Variants in ESYT2 observed in about 807,000 individuals in gnomAD.
The protein encoded by ESYT2 is extended synaptotagmin 2, also known as extended synaptotagmin-2.
Under a neutral mutation model 107.2 loss-of-function variants are expected in ESYT2, and 54 were observed. The observed-to-expected ratio is 0.50, with a 90% CI of 0.40 to 0.63. The LOEUF (loss-of-function observed/expected upper bound fraction) is 0.63. Ranked by LOEUF, ESYT2 falls within the 30% of genes least tolerant of loss-of-function variation. ESYT2 has a pLI of 0.00. For missense variants in ESYT2, 1,020 were observed against 1,094.5 expected (o/e 0.93, Z 0.96); for synonymous variants, 491 against 434.1 (o/e 1.13, Z -1.63).
At chr7:158,762,055 C>T (rs1837986406) in intron 10 of ESYT2, among the ~76,000 whole-genome samples, 1 of 152,122 alleles carries the variant, frequency 6.6e-6, no homozygotes, top group Non-Finnish European at 1.5e-5. Context: ...ACCCATGCTG[C>T]ATTGAGCCCG....
intron 1 of ESYT2, among the ~76,000 whole-genome samples, chr7:158,802,592 T>C (rs1196654091): frequency 6.6e-6 from 1 of 152,236 alleles, no homozygotes; most frequent in African/African-American, 2.4e-5. Flanking sequence ...ATATAAGCAC[T>C]TTTAATTACA....
chr7:158,731,770 C>A lies in ESYT2; in HGVS notation c.*2437G>T. Reference sequence around the variant, plus strand: ...GGCTCAAGGTAGAAAAGTTAAAATTCCCTTTTCTTAGATAAACTGATTATT... The same window carrying A: ...GGCTCAAGGTAGAAAAGTTAAAATTACCTTTTCTTAGATAAACTGATTATT... On this transcript the variant is annotated 3_prime_UTR_variant, in exon 23 of 23. Coordinates refer to ENST00000275418, the MANE Select transcript of ESYT2 (RefSeq NM_001367773.1). 1 of 152,618 alleles carries A rather than the reference C, an allele frequency of 6.6e-6. No homozygotes were observed. Among genetic ancestry groups the A allele is most frequent in the East Asian group, 1.9e-4 (1 of 5,198 alleles). The allele number at this position is 152,618 out of a possible 1,614,324, so 9.5% of individuals were successfully genotyped here.
At chr7:158,804,631 C>T (rs1337264820) in intron 1 of ESYT2, among the ~76,000 whole-genome samples, 2 of 147,724 alleles carry the variant, frequency 1.4e-5, no homozygotes, top group African/African-American at 2.5e-5. Context: ...AGGTGAGGCG[C>T]GTGACAAACC....
chr7:158,782,218 A>C (rs1375260931), intron 6 of ESYT2, among the ~76,000 whole-genome samples: 1 of 119,952 alleles, frequency 8.3e-6, no homozygotes, highest in East Asian at 2.1e-4. Context: ...AACGTGTGAG[A>C]ACAGATGTGA....
At chr7:158,777,282 G>C (rs528971556) in intron 6 of ESYT2, among the ~76,000 whole-genome samples, 1 of 152,180 alleles carries the variant, frequency 6.6e-6, no homozygotes, top group Non-Finnish European at 1.5e-5. Context: ...AGATCCAGGA[G>C]AGGGAGACAT....
intron 1 of ESYT2, among the ~76,000 whole-genome samples, chr7:158,819,702 A>G (rs1840238842): frequency 6.6e-6 from 1 of 152,244 alleles, no homozygotes; most frequent in Non-Finnish European, 1.5e-5. Context: ...TTCAATGAGC[A>G]TACTTTCTTC....
At chr7:158,758,417 C>A (rs1019408986) in intron 13 of ESYT2, among the ~76,000 whole-genome samples, 4 of 152,062 alleles carry the variant, frequency 2.6e-5, no homozygotes, top group Admixed American at 1.3e-4. Flanking sequence ...TACAGGGGAT[C>A]GAGAGGCCGA....
Position 158,829,192 on chromosome 7 carries a change from C to T in ESYT2, c.227G>A (p.Ser76Asn), listed in dbSNP as rs202087832. The change falls in exon 1 of 23, where the codon AGC (serine) becomes AAC (asparagine). Residue 76 changes from serine (S) to asparagine (N), a missense_variant. Physicochemically the swap from Ser to Asn is conservative, Grantham distance 46. Coordinates refer to ENST00000275418, the MANE Select transcript of ESYT2 (RefSeq NM_001367773.1). Reference protein sequence around the residue: ...ALALLAWCRRSRGLKALRLCR... With the variant: ...ALALLAWCRRNRGLKALRLCR... Reference sequence around the variant, plus strand: ...CAGGCGCAGGGCCTTGAGGCCGCGGCTGCGGCGACACCAGGCGAGCAGCGC... The same window carrying T: ...CAGGCGCAGGGCCTTGAGGCCGCGGTTGCGGCGACACCAGGCGAGCAGCGC... 2.0e-5 allele frequency: 31 copies of T among 1,534,418 alleles called. No homozygotes were observed. The highest frequency in any genetic ancestry group is 2.1e-5 in the Non-Finnish European group (24 of 1,148,616).
At chr7:158,796,523 A>G (rs1248644671) in intron 3 of ESYT2, among the ~76,000 whole-genome samples, 1 of 152,254 alleles carries the variant, frequency 6.6e-6, no homozygotes, top group Non-Finnish European at 1.5e-5. Flanking sequence ...ATGAATTCAC[A>G]TATCAAACTC....
At chr7:158,770,091 A>G (rs1166049823) in intron 7 of ESYT2, among the ~76,000 whole-genome samples, 1 of 151,830 alleles carries the variant, frequency 6.6e-6, no homozygotes, top group Non-Finnish European at 1.5e-5. Flanking sequence ...GGATTTCACT[A>G]TGTTGGCTAG....
intron 3 of ESYT2, among the ~76,000 whole-genome samples, chr7:158,797,292 C>T (rs1046965110): frequency 2.6e-4 from 40 of 151,608 alleles, no homozygotes; most frequent in African/African-American, 9.7e-4. Flanking sequence ...TGACCATATA[C>T]GTGCACCACC....
chr7:158,759,758 C>T (rs1198954511), intron 12 of ESYT2, among the ~76,000 whole-genome samples, 177 bp from the exon 13 acceptor site: 2 of 152,144 alleles, frequency 1.3e-5, no homozygotes, highest in Non-Finnish European at 2.9e-5. Flanking sequence ...GACTACTATT[C>T]CATATATAAG....
At chr7:158,767,604 CAGGTCTCCAAG>C (rs2129472334) in intron 8 of ESYT2, 39 bp downstream of exon 8, 1 of 1,583,308 alleles carries the variant, frequency 6.3e-7, no homozygotes, top group South Asian at 1.1e-5. Flanking sequence ...CGCAGGCAGG[CAGGTCTCCAAG>C]ATGTTTTTAA....
chr7:158,736,392 G>A (rs539759231), intron 20 of ESYT2, among the ~76,000 whole-genome samples: 1 of 152,306 alleles, frequency 6.6e-6, no homozygotes, highest in African/African-American at 2.4e-5. Flanking sequence ...AACAAGGGTG[G>A]GTTTTGAAGC....
intron 6 of ESYT2, among the ~76,000 whole-genome samples, chr7:158,787,695 G>A (rs182860663): frequency 6.6e-6 from 1 of 152,332 alleles, no homozygotes; most frequent in East Asian, 1.9e-4. Context: ...AGGATTAAAT[G>A]AGCAAATATC....
chr7:158,771,787 G>T (rs938641110), intron 7 of ESYT2, among the ~76,000 whole-genome samples: 1 of 152,160 alleles, frequency 6.6e-6, no homozygotes, highest in Admixed American at 6.5e-5. Context: ...GGCAGTGGGC[G>T]CCCATTGTTG....
Position 158,781,769 on chromosome 7 carries a change from AAGAACG to A in ESYT2, c.747+6229_747+6234del, listed in dbSNP as rs370040794. 2.4e-3 allele frequency among the ~76,000 whole-genome samples: 359 copies of A among 152,044 alleles called. 1 individual carries two copies. The highest frequency in any genetic ancestry group is 8.0e-3 in the African/African-American group (330 of 41,474). Reference sequence around the variant, plus strand: ...AACAAAGTGTGAGAGATGTGAGTGTAAGAACGAGAACAAGTGTGAACGAGTGTGAGA... The same window carrying A: ...AACAAAGTGTGAGAGATGTGAGTGTAAGAACAAGTGTGAACGAGTGTGAGA... On this transcript the variant is annotated intron_variant, in intron 6 of 22. Coordinates refer to ENST00000275418, the MANE Select transcript of ESYT2 (RefSeq NM_001367773.1).
chr7:158,821,649 T>A (rs575571070), intron 1 of ESYT2, among the ~76,000 whole-genome samples: 1 of 152,342 alleles, frequency 6.6e-6, no homozygotes, highest in South Asian at 2.1e-4. Flanking sequence ...TCCCAGGTCA[T>A]GGGGACCTGG....
chr7:158,748,172 T>C (rs1023336498), intron 16 of ESYT2, 22 bp downstream of exon 16: 1 of 1,608,488 alleles, frequency 6.2e-7, no homozygotes, highest in African/African-American at 1.3e-5. Flanking sequence ...AATAAATTGG[T>C]TAAAAAATGC....
Sources: allele counts gnomAD v4.1 joint callset (sites outside exome capture counted in the v4.1 genomes callset), GRCh38; gene constraint gnomAD v4.1.1; transcripts MANE v1.5; gene names NCBI Gene and HGNC (gene_info 2026-07-23, HGNC 2026-07-21).